ELAPOR1: variants seen among roughly 807,000 people sequenced by gnomAD.
ELAPOR1 encodes endosome-lysosome associated apoptosis and autophagy regulator 1.
A neutral mutation model predicts 119.7 loss-of-function variants in ELAPOR1; 77 were observed. That is an observed-to-expected ratio of 0.64 (90% CI 0.54 to 0.78). The LOEUF (loss-of-function observed/expected upper bound fraction) is 0.78. ELAPOR1 is among the 30% of genes least tolerant of loss of function. The probability of loss-of-function intolerance (pLI) is 0.00; values close to 1 mark genes in which losing one functional copy is unlikely to be tolerated. For synonymous variants in ELAPOR1, 481 were observed against 487.2 expected, an observed-to-expected ratio of 0.99 and a Z score of 0.17; for missense variants, 1,115 against 1,270.4, an observed-to-expected ratio of 0.88 and a Z score of 1.86.
intron 3 of ELAPOR1, among the ~76,000 whole-genome samples, chr1:109,170,590 G>A (rs556115569): frequency 1.4e-4 from 21 of 152,268 alleles, no homozygotes; most frequent in Non-Finnish European, 2.2e-4. Context: ...GAGAAAGCTT[G>A]GCAGAGGAAT....
rs751460396 is a variant in ELAPOR1, at chr1:109,191,856, A to G, written c.1676A>G (p.His559Arg). The change falls in exon 13 of 22, where the codon CAT becomes CGT. Residue 559 changes from histidine (H) to arginine (R), a missense_variant. Physicochemically the swap from His to Arg is conservative, Grantham distance 29. Coordinates refer to ENST00000369939, the MANE Select transcript of ELAPOR1 (RefSeq NM_020775.5). ...FTWAFQRTTFHEASRKYTNDV... is the reference protein window; with the variant it reads ...FTWAFQRTTFREASRKYTNDV... ...TGGGCCTTCCAGAGGACCACTTTTC[A>G]TGAGGCAGTAAGTTCCTCCCCTTCC... is the stretch of plus-strand genomic sequence containing the variant. The G allele has an allele frequency of 1.9e-5, 31 of 1,614,020 alleles. No individual in the cohort carries two copies. The highest frequency in any genetic ancestry group is 2.6e-5 in the Non-Finnish European group (31 of 1,180,004).
chr1:109,127,220 T>C (rs187558170), intron 1 of ELAPOR1, among the ~76,000 whole-genome samples: 25 of 150,270 alleles, frequency 1.7e-4, no homozygotes, highest in Middle Eastern at 3.4e-3. Flanking sequence ...CTTTTCTTTT[T>C]TTTTTTTTTT....
chr1:109,197,139 G>GAAA (rs35880289), intron 15 of ELAPOR1, among the ~76,000 whole-genome samples: 1 of 132,692 alleles, frequency 7.5e-6, no homozygotes, highest in African/African-American at 2.9e-5. Flanking sequence ...CTATCTTTAC[G>GAAA]AAAAAAAAAA....
In ELAPOR1 at chr1:109,192,746, G is replaced by C. The variant is rs757633047; in HGVS notation, c.1819G>C (p.Ala607Pro). ...DVGSSCTSCP[A>P]GYYIDRDSGT... is the part of the protein sequence containing the mutation. ...GGGCTCCTCCTGCACCTCTTGTCCT[G>C]CTGGTTACTATATTGACCGAGATTC... Residue 607 changes from alanine to proline, a missense_variant, in exon 14 of 22, where the codon GCT becomes CCT. Ala to Pro is a conservative substitution (Grantham distance 27). Coordinates refer to ENST00000369939, the MANE Select transcript of ELAPOR1 (RefSeq NM_020775.5). 6.2e-7 allele frequency: 1 copy of C among 1,614,020 alleles called. No homozygotes were observed. Among genetic ancestry groups the C allele is most frequent in the South Asian group, 1.1e-5 (1 of 91,076 alleles).
At chr1:109,150,274 A>G (rs1650447209) in intron 1 of ELAPOR1, among the ~76,000 whole-genome samples, 1 of 152,178 alleles carries the variant, frequency 6.6e-6, no homozygotes. Context: ...TCTGCGGTTT[A>G]TGATCAAAAT....
In ELAPOR1 at chr1:109,206,360, G is replaced by T. The variant is rs772510590; in HGVS notation, c.*3348G>T. ...AACAAAGGCTTTAGTCCTTGACCCA[G>T]GGCTAAAGTGGTCTGTCCAAGCTGT... On this transcript the variant is annotated 3_prime_UTR_variant, in exon 22 of 22. Coordinates refer to ENST00000369939, the MANE Select transcript of ELAPOR1 (RefSeq NM_020775.5). 6.6e-6 allele frequency: 1 copy of T among 152,178 alleles called. No individual in the cohort carries two copies. Among genetic ancestry groups the T allele is most frequent in the Non-Finnish European group, 1.5e-5 (1 of 68,036 alleles). 9.4% of individuals were successfully genotyped at this position (152,178 alleles called of 1,614,324 possible).
intron 1 of ELAPOR1, among the ~76,000 whole-genome samples, chr1:109,136,385 C>T (rs949111522): frequency 6.6e-6 from 1 of 152,186 alleles, no homozygotes; most frequent in Non-Finnish European, 1.5e-5. Context: ...GGCTGTCCCC[C>T]GAAGCCAGGG....
chr1:109,174,907 G>T (rs909428879), intron 7 of ELAPOR1, among the ~76,000 whole-genome samples: 8 of 152,110 alleles, frequency 5.3e-5, no homozygotes, highest in African/African-American at 1.9e-4. Flanking sequence ...AGTAGAGACA[G>T]GGTTTCACTG....
intron 21 of ELAPOR1, 107 bp downstream of exon 21, chr1:109,201,007 C>T (rs375209763): frequency 3.2e-5 from 32 of 1,001,954 alleles, no homozygotes; most frequent in East Asian, 2.0e-4. Flanking sequence ...CACCCTGCTC[C>T]CCACGCCCGA....
intron 1 of ELAPOR1, among the ~76,000 whole-genome samples, chr1:109,151,642 A>G (rs763982315): frequency 5.3e-5 from 8 of 152,210 alleles, no homozygotes; most frequent in African/African-American, 7.2e-5. Context: ...AGTGGAATTC[A>G]TTGGTACTTC....
chr1:109,173,880 C>T, intron 7 of ELAPOR1, 43 bp downstream of exon 7: 3 of 1,600,782 alleles, frequency 1.9e-6, no homozygotes, highest in East Asian at 2.2e-5. Flanking sequence ...ATAGAGAGTA[C>T]CACCAAAACA....
chr1:109,201,001 C>T (rs1654140426), intron 21 of ELAPOR1, 101 bp downstream of exon 21: 2 of 1,044,944 alleles, frequency 1.9e-6, no homozygotes, highest in Non-Finnish European at 1.4e-6. Flanking sequence ...GATGGGCACC[C>T]TGCTCCCCAC....
chr1:109,171,182 A>G (rs891311181), intron 3 of ELAPOR1, among the ~76,000 whole-genome samples: 4 of 152,236 alleles, frequency 2.6e-5, no homozygotes, highest in Admixed American at 6.5e-5. Flanking sequence ...ATTTCCTCTT[A>G]TTGATGAAAA....
intron 3 of ELAPOR1, among the ~76,000 whole-genome samples, chr1:109,170,853 G>A (rs1054561441): frequency 3.9e-5 from 6 of 152,268 alleles, no homozygotes; most frequent in South Asian, 2.1e-4. Context: ...GGGAGAGCCC[G>A]TGGACAGGGT....
At chr1:109,136,977 G>A (rs149127508) in intron 1 of ELAPOR1, among the ~76,000 whole-genome samples, 19 of 152,250 alleles carry the variant, frequency 1.2e-4, no homozygotes, top group African/African-American at 3.9e-4. Context: ...AGCTCCCACC[G>A]GCCAGAAGGA....
chr1:109,191,286 C>T (rs1653415955), intron 11 of ELAPOR1, 80 bp from the exon 12 acceptor site: 1 of 921,428 alleles, frequency 1.1e-6, no homozygotes, highest in South Asian at 1.4e-5. Context: ...TGTCCCCCAG[C>T]AGACGCTCTG....
In ELAPOR1 at chr1:109,194,571, A is replaced by G. The variant is rs866431887; in HGVS notation, c.2098A>G (p.Thr700Ala). The part of the protein sequence containing the change: ...SKGLKYFHHF[T>A]LSLCGNQGRK... ...AGGGCTGAAATACTTCCATCACTTT[A>G]CCCTCAGTCTCTGTGGAAACCAGGT... Residue 700 changes from threonine (T) to alanine (A), a missense_variant, in exon 15 of 22, where the codon ACC (threonine) becomes GCC (alanine). By Grantham distance (58) the Thr-to-Ala change is moderately conservative. Transcript: ENST00000369939. 16 of 1,613,888 alleles carry G rather than the reference A, an allele frequency of 9.9e-6. 1 individual carries two copies. In the Middle Eastern group the frequency reaches 2.6e-3, roughly 266 times the overall value.
intron 14 of ELAPOR1, among the ~76,000 whole-genome samples, chr1:109,193,358 T>C (rs1412222260): frequency 6.6e-6 from 1 of 152,044 alleles, no homozygotes; most frequent in Non-Finnish European, 1.5e-5. Flanking sequence ...ATTCCTTTCC[T>C]AAGTGGAAAA....
chr1:109,194,709 GC>G, intron 15 of ELAPOR1, 115 bp downstream of exon 15: 1 of 887,934 alleles, frequency 1.1e-6, no homozygotes, highest in Non-Finnish European at 1.7e-6. Flanking sequence ...GGGTTGAGGA[GC>G]TTCAAAGGTT....
Sources: gnomAD v4.1 joint callset for allele counts (sites outside exome capture counted in the v4.1 genomes callset) on GRCh38, gnomAD v4.1.1 for gene constraint, MANE v1.5 for transcripts, NCBI Gene and HGNC (gene_info 2026-07-23, HGNC 2026-07-21) for gene names.